ULK4: variants seen among roughly 807,000 people sequenced by gnomAD.
ULK4 encodes the protein unc-51 like kinase 4.
ULK4 carries 133 observed loss-of-function variants against 160.6 expected under a neutral mutation model. The observed-to-expected ratio is 0.83, with a 90% confidence interval of 0.72 to 0.96. ULK4 has a LOEUF of 0.96. ULK4 is among the 40% of genes least tolerant of loss of function. The pLI, the probability that ULK4 is intolerant of heterozygous loss-of-function variation, is 0.00. For missense variants in ULK4, 1,580 were observed against 1,499.5 expected (o/e 1.05, Z -0.89); for synonymous variants, 534 against 539.8 (o/e 0.99, Z 0.15).
At chr3:41,935,708 A>C (rs1046919331) in intron 4 of ULK4, 93 bp downstream of exon 4, 10 of 1,415,120 alleles carry the variant, frequency 7.1e-6, no homozygotes, top group Non-Finnish European at 9.5e-6. Flanking sequence ...GATATTCTAT[A>C]CCAAAATTTT....
intron 1 of ULK4, among the ~76,000 whole-genome samples, chr3:41,958,109 T>C (rs1437919152): frequency 6.7e-6 from 1 of 149,928 alleles, no homozygotes; most frequent in African/African-American, 2.5e-5. Flanking sequence ...CATACCTCAA[T>C]ATGGGTATAT....
At chr3:41,907,354 T>G (rs972002053) in intron 12 of ULK4, among the ~76,000 whole-genome samples, 1 of 151,994 alleles carries the variant, frequency 6.6e-6, no homozygotes, top group African/African-American at 2.4e-5. Flanking sequence ...TGGAGTGCGG[T>G]GGTGCTGTCA....
chr3:41,610,039 C>G (rs1031349265), intron 31 of ULK4, among the ~76,000 whole-genome samples: 1 of 134,876 alleles, frequency 7.4e-6, no homozygotes, highest in Non-Finnish European at 1.6e-5. Flanking sequence ...TTTTTGGAAA[C>G]AGAGTCTTGC....
At chr3:41,839,914 A>T (rs79502959) in intron 17 of ULK4, among the ~76,000 whole-genome samples, 2,354 of 152,292 alleles carry the variant, frequency 0.015, 17 homozygotes, top group Non-Finnish European at 0.025. Flanking sequence ...AATGCTATTT[A>T]AAAAAATCAA....
At position 41,853,155 on chromosome 3, in the gene ULK4, T is replaced by C. The variant is rs376757640; in HGVS notation, c.1657-17184A>G. ...AATCACTGAAGAGTCTGTAAAAACA[T>C]AGATTGCAAAACCCCTTCCTCAGAG... On this transcript the variant is annotated intron_variant, in intron 17 of 36. Coordinates refer to ENST00000301831, the MANE Select transcript of ULK4 (RefSeq NM_017886.4). Among the ~76,000 whole-genome samples, 614 of 136,482 alleles carry C rather than the reference T, an allele frequency of 4.5e-3. 9 individuals carry two copies. Among genetic ancestry groups the C allele is most frequent in the African/African-American group, 0.017 (545 of 32,470 alleles). The allele number at this position is 136,482 out of a possible 152,430, so 89.5% of individuals were successfully genotyped here.
chr3:41,789,655 T>TCAAA lies in ULK4; in HGVS notation c.2193+2_2193+5dup. The TCAAA allele has an allele frequency of 6.4e-7, 1 of 1,560,894 alleles. No homozygotes were observed. The highest frequency in any genetic ancestry group is 8.7e-7 in the Non-Finnish European group (1 of 1,154,996). On this transcript the variant is annotated splice_donor_region_variant and intron_variant, in intron 21 of 36. Coordinates refer to ENST00000301831, the MANE Select transcript of ULK4 (RefSeq NM_017886.4). ...TGTAGAGTAACAGGTAAAATCTAAG[T>TCAAA]CAAACCTTTTCTTGGATTAGTCTTT...
chr3:41,898,547 T>C, intron 13 of ULK4, 55 bp from the exon 14 acceptor site: 1 of 1,063,326 alleles, frequency 9.4e-7, no homozygotes, highest in Non-Finnish European at 1.4e-6. Context: ...TGGATATCTG[T>C]CTCCTTATAT....
rs189718658 is a variant in ULK4, at chr3:41,393,482, C to G, written c.3678+4597G>C. Among the ~76,000 whole-genome samples, 374 of 152,226 alleles carry G rather than the reference C, an allele frequency of 2.5e-3. 4 individuals carry two copies. The highest frequency in any genetic ancestry group is 2.0e-3 in the Non-Finnish European group (133 of 68,004). On this transcript the variant is annotated intron_variant, in intron 35 of 36. Coordinates refer to ENST00000301831, the MANE Select transcript of ULK4 (RefSeq NM_017886.4). ...TTCTTCCTGCTCAGTGTGTAGAATA[C>G]CAACACATTCTTCCATACTCACTTT... is the stretch of plus-strand genomic sequence containing the variant.
intron 29 of ULK4, among the ~76,000 whole-genome samples, chr3:41,666,551 A>G (rs941856597): frequency 2.6e-4 from 40 of 152,226 alleles, no homozygotes; most frequent in Admixed American, 2.6e-4. Context: ...TTGTCTGGCC[A>G]GACAGAATCA....
chr3:41,747,556 C>G (rs896723970), intron 22 of ULK4, among the ~76,000 whole-genome samples: 1 of 151,984 alleles, frequency 6.6e-6, no homozygotes. Flanking sequence ...TTCTGTTCCC[C>G]CCAAAATTCA....
intron 34 of ULK4, among the ~76,000 whole-genome samples, chr3:41,439,631 G>C (rs1300324238): frequency 2.6e-5 from 4 of 152,088 alleles, no homozygotes; most frequent in African/African-American, 9.7e-5. Context: ...GATTACAGTA[G>C]CTTCATAGTA....
rs143715007 is a variant in ULK4 at position 41,885,384 on chromosome 3, T to C, written c.1578-1432A>G. Reference sequence around the variant, plus strand: ...TAAATCACTTATGAATATTCACTTTTTACCAAAATCCTAAATACAAGTACC... The same window carrying C: ...TAAATCACTTATGAATATTCACTTTCTACCAAAATCCTAAATACAAGTACC... On this transcript the variant is annotated intron_variant, in intron 16 of 36. Coordinates refer to ENST00000301831, the MANE Select transcript of ULK4 (RefSeq NM_017886.4). Among the ~76,000 whole-genome samples the C allele has an allele frequency of 3.1e-3, 475 of 152,308 alleles. 1 individual carries two copies. The highest frequency in any genetic ancestry group is 0.011 in the African/African-American group (451 of 41,554).
At chr3:41,782,791 T>C (rs1305787272) in intron 21 of ULK4, among the ~76,000 whole-genome samples, 1 of 152,180 alleles carries the variant, frequency 6.6e-6, no homozygotes, top group Non-Finnish European at 1.5e-5. Flanking sequence ...AGGATGTCCA[T>C]ACAAAAGGAT....
chr3:41,425,423 C>T (rs537390286), intron 34 of ULK4, among the ~76,000 whole-genome samples: 5 of 152,124 alleles, frequency 3.3e-5, no homozygotes, highest in African/African-American at 1.2e-4. Flanking sequence ...GACAGGCCAA[C>T]GTTCAAATTC....
rs1414067263 is a variant in ULK4, at chr3:41,786,099, C to T, written c.2193+3562G>A. 2.0e-5 allele frequency among the ~76,000 whole-genome samples: 3 copies of T among 152,178 alleles called. No individual in the cohort carries two copies. The East Asian group carries it at 5.8e-4, about 29-fold the overall frequency. Reference sequence around the variant, plus strand: ...GGCTCCACTCCACCTGCACACTGCCCCTAACAGTCACTCTATCACATACCC... The same window carrying T: ...GGCTCCACTCCACCTGCACACTGCCTCTAACAGTCACTCTATCACATACCC... On this transcript the variant is annotated intron_variant, in intron 21 of 36. Coordinates refer to ENST00000301831, the MANE Select transcript of ULK4 (RefSeq NM_017886.4).
At chr3:41,534,532 T>C (rs1436546221) in intron 32 of ULK4, among the ~76,000 whole-genome samples, 4 of 115,138 alleles carry the variant, frequency 3.5e-5, no homozygotes, top group Non-Finnish European at 7.5e-5. Context: ...AAAAAAAAAC[T>C]AAACTACATA....
intron 35 of ULK4, among the ~76,000 whole-genome samples, chr3:41,268,875 C>A (rs1394149512): frequency 1.3e-5 from 2 of 151,184 alleles, no homozygotes; most frequent in African/African-American, 4.9e-5. Context: ...AAAGACGCAG[C>A]TCTTCAGATG....
intron 2 of ULK4, among the ~76,000 whole-genome samples, chr3:41,953,032 A>C (rs1300212709): frequency 1.3e-5 from 2 of 152,002 alleles, no homozygotes; most frequent in African/African-American, 2.4e-5. Context: ...AGTTGCCAAA[A>C]GCTGGAGAAG....
intron 36 of ULK4, 47 bp downstream of exon 36, chr3:41,249,442 G>A (rs777820950): frequency 3.9e-6 from 6 of 1,549,624 alleles, no homozygotes; most frequent in Non-Finnish European, 5.3e-6. Flanking sequence ...GGCTGAGAGT[G>A]TGTGCTGATC....
Sources: gnomAD v4.1 joint callset for allele counts (sites outside exome capture counted in the v4.1 genomes callset) on GRCh38, gnomAD v4.1.1 for gene constraint, MANE v1.5 for transcripts, NCBI Gene and HGNC (gene_info 2026-07-23, HGNC 2026-07-21) for gene names.